TC2N: variants seen among roughly 807,000 people sequenced by gnomAD.
TC2N encodes tandem C2 domains, nuclear.
In TC2N, 51 loss-of-function variants were observed where a neutral mutation model predicts 61.9. The observed-to-expected ratio is 0.82, with a 90% confidence interval of 0.66 to 1.04. The LOEUF (loss-of-function observed/expected upper bound fraction) is 1.04. Ranked by LOEUF, TC2N falls within the 50% of genes least tolerant of loss-of-function variation. The pLI is 0.00. For missense variants in TC2N, 556 were observed against 566.7 expected (o/e 0.98, Z 0.19); for synonymous variants, 204 against 192.6 (o/e 1.06, Z -0.49).
intron 1 of TC2N, among the ~76,000 whole-genome samples, chr14:91,818,347 A>G (rs980011883): frequency 6.6e-5 from 10 of 152,144 alleles, no homozygotes; most frequent in South Asian, 4.1e-4. Flanking sequence ...ACTATACATA[A>G]CTGGTATTCA....
At chr14:91,851,807 A>G (rs558382070) in intron 1 of TC2N, among the ~76,000 whole-genome samples, 123 of 152,374 alleles carry the variant, frequency 8.1e-4, no homozygotes, top group African/African-American at 2.9e-3. Context: ...ATCCTGGATC[A>G]TCATGAAGTA....
intron 3 of TC2N, among the ~76,000 whole-genome samples, chr14:91,803,839 G>C (rs1886378497): frequency 6.6e-6 from 1 of 152,178 alleles, no homozygotes; most frequent in Non-Finnish European, 1.5e-5. Flanking sequence ...GTAACCCACA[G>C]AGTGAAAGAA....
intron 1 of TC2N, among the ~76,000 whole-genome samples, chr14:91,860,553 A>G (rs1888570719): frequency 6.6e-6 from 1 of 152,216 alleles, no homozygotes; most frequent in Non-Finnish European, 1.5e-5. Context: ...GCTGACCTGC[A>G]CAATATGAAG....
intron 1 of TC2N, among the ~76,000 whole-genome samples, chr14:91,828,548 G>C (rs1214290013): frequency 6.6e-6 from 1 of 151,704 alleles, no homozygotes; most frequent in African/African-American, 2.4e-5. Flanking sequence ...CCTCATATTA[G>C]TATTCACATT....
rs1265376508 is a variant in TC2N, at chr14:91,780,813, T to C, written c.*2287A>G. 1 of 152,120 alleles carries C rather than the reference T, an allele frequency of 6.6e-6. No homozygotes were observed. Among genetic ancestry groups the C allele is most frequent in the Non-Finnish European group, 1.5e-5 (1 of 68,018 alleles). The allele number at this position is 152,120 out of a possible 1,614,324, so 9.4% of individuals were successfully genotyped here. On this transcript the variant is annotated 3_prime_UTR_variant, in exon 12 of 12. Transcript: ENST00000435962. ...AATATGCATACCTATTAGCAGGAGA[T>C]TGGATTTTTATTTATAGGTCCACAT...
At chr14:91,789,472 G>A (rs193265461) in intron 9 of TC2N, among the ~76,000 whole-genome samples, 3 of 151,580 alleles carry the variant, frequency 2.0e-5, no homozygotes, top group East Asian at 1.9e-4. Context: ...TTAGCCACCC[G>A]TGGTGGCTGA....
intron 1 of TC2N, among the ~76,000 whole-genome samples, chr14:91,848,179 G>A (rs186737987): frequency 6.6e-6 from 1 of 152,314 alleles, no homozygotes; most frequent in African/African-American, 2.4e-5. Context: ...CCCTTAAATT[G>A]AGACCAATTT....
chr14:91,860,554 C>A (rs1888570767), intron 1 of TC2N, among the ~76,000 whole-genome samples: 2 of 152,166 alleles, frequency 1.3e-5, no homozygotes, highest in Admixed American at 1.3e-4. Flanking sequence ...CTGACCTGCA[C>A]AATATGAAGT....
At chr14:91,811,119 T>G (rs531928693) in intron 3 of TC2N, among the ~76,000 whole-genome samples, 1 of 152,200 alleles carries the variant, frequency 6.6e-6, no homozygotes, top group South Asian at 2.1e-4. Flanking sequence ...TGTGTAAAAT[T>G]TATGCCAAAA....
intron 1 of TC2N, among the ~76,000 whole-genome samples, chr14:91,833,321 A>C (rs1327625063): frequency 3.9e-5 from 6 of 152,176 alleles, no homozygotes; most frequent in Admixed American, 3.9e-4. Context: ...ATAAAATAAA[A>C]ATTATCCATA....
At chr14:91,839,258 C>T (rs995147552) in intron 1 of TC2N, among the ~76,000 whole-genome samples, 2 of 152,128 alleles carry the variant, frequency 1.3e-5, no homozygotes, top group Non-Finnish European at 2.9e-5. Context: ...CATAAACTGT[C>T]GAATTTGCAC....
intron 1 of TC2N, among the ~76,000 whole-genome samples, chr14:91,838,882 GAGGA>G (rs1376821754): frequency 1.3e-5 from 2 of 152,224 alleles, no homozygotes; most frequent in Non-Finnish European, 1.5e-5. Flanking sequence ...TACTTGAATG[GAGGA>G]TATTGTACAC....
intron 3 of TC2N, among the ~76,000 whole-genome samples, chr14:91,806,899 T>C (rs964466731): frequency 3.9e-5 from 6 of 152,008 alleles, no homozygotes; most frequent in Admixed American, 3.9e-4. Flanking sequence ...GGCCCAGAGG[T>C]CCAGGAGGAA....
intron 3 of TC2N, among the ~76,000 whole-genome samples, chr14:91,804,701 A>G (rs1886426138): frequency 6.6e-6 from 1 of 152,202 alleles, no homozygotes; most frequent in Non-Finnish European, 1.5e-5. Flanking sequence ...TTCAGAAAAC[A>G]GAAAAAATTA....
At chr14:91,866,632 G>C (rs1442523025) in intron 1 of TC2N, 1 of 152,184 alleles carries the variant, frequency 6.6e-6, no homozygotes, top group Non-Finnish European at 1.5e-5. Flanking sequence ...GGACCTGATG[G>C]AGTGGTACAA....
chr14:91,830,149 C>T (rs146312853), intron 1 of TC2N, among the ~76,000 whole-genome samples: 1 of 152,294 alleles, frequency 6.6e-6, no homozygotes, highest in Non-Finnish European at 1.5e-5. Context: ...TCCTCAAACA[C>T]TTCACACAGA....
intron 1 of TC2N, among the ~76,000 whole-genome samples, chr14:91,862,478 T>C (rs958096503): frequency 5.3e-5 from 8 of 152,142 alleles, no homozygotes; most frequent in Non-Finnish European, 7.4e-5. Flanking sequence ...GTCAACAGGT[T>C]TGTTGGTCTT....
At chr14:91,829,305 A>G (rs1403108344) in intron 1 of TC2N, among the ~76,000 whole-genome samples, 1 of 151,928 alleles carries the variant, frequency 6.6e-6, no homozygotes, top group Non-Finnish European at 1.5e-5. Flanking sequence ...AGTTTATTAG[A>G]CTTTCTCACT....
At chr14:91,822,013 T>C (rs1002184450) in intron 1 of TC2N, among the ~76,000 whole-genome samples, 2 of 152,236 alleles carry the variant, frequency 1.3e-5, no homozygotes, top group East Asian at 3.8e-4. Flanking sequence ...CAAATGTTTA[T>C]GATATGTGAC....
Sources: gnomAD v4.1 joint callset for allele counts (sites outside exome capture counted in the v4.1 genomes callset) on GRCh38, gnomAD v4.1.1 for gene constraint, MANE v1.5 for transcripts, NCBI Gene and HGNC (gene_info 2026-07-23, HGNC 2026-07-21) for gene names.